MTPAP: variants seen among roughly 807,000 people sequenced by gnomAD.
MTPAP encodes poly(A) RNA polymerase, mitochondrial.
Under a neutral mutation model 48.7 loss-of-function variants are expected in MTPAP, and 23 were observed. That is an observed-to-expected ratio of 0.47 (90% CI 0.34 to 0.67). The LOEUF is 0.67. MTPAP is among the 30% of genes least tolerant of loss of function. The probability of loss-of-function intolerance (pLI) is 0.01; values close to 1 mark genes in which losing one functional copy is unlikely to be tolerated. For missense variants in MTPAP, 614 were observed against 694.3 expected (o/e 0.88, Z 1.30); for synonymous variants, 257 against 254.1 (o/e 1.01, Z -0.11).
In MTPAP at chr10:30,313,423, T is replaced by C. The variant is rs757206839; in HGVS notation, c.*186A>G. ...GATGTTTTAATAAAGTGCCACTGAG[T>C]ATCAGACTGATCAAACTGAAAACAT... On this transcript the variant is annotated 3_prime_UTR_variant, in exon 9 of 9. Transcript: ENST00000263063. 1.2e-5 allele frequency: 9 copies of C among 760,954 alleles called. No homozygotes were observed. The highest frequency in any genetic ancestry group is 2.3e-5 in the Admixed American group (1 of 43,312). 47.1% of individuals were successfully genotyped at this position (760,954 alleles called of 1,614,324 possible).
intron 4 of MTPAP, among the ~76,000 whole-genome samples, chr10:30,327,520 A>C (rs970039053): frequency 1.3e-5 from 2 of 149,780 alleles, no homozygotes; most frequent in Non-Finnish European, 3.0e-5. Context: ...ATAAATAAAT[A>C]AATAAATAAA....
chr10:30,342,266 A>C, intron 1 of MTPAP, among the ~76,000 whole-genome samples: 1 of 152,136 alleles, frequency 6.6e-6, no homozygotes, highest in Admixed American at 6.6e-5. Context: ...AACAACAACT[A>C]ATAATGAAAT....
At chr10:30,328,406 T>C (rs988938388) in intron 4 of MTPAP, among the ~76,000 whole-genome samples, 2 of 152,340 alleles carry the variant, frequency 1.3e-5, no homozygotes, top group East Asian at 1.9e-4. Flanking sequence ...CTGAAACTTG[T>C]ATACGTTGGC....
At chr10:30,331,359 G>A (rs1041960509) in intron 4 of MTPAP, among the ~76,000 whole-genome samples, 2 of 152,150 alleles carry the variant, frequency 1.3e-5, no homozygotes, top group Non-Finnish European at 2.9e-5. Flanking sequence ...TCAAGACTTA[G>A]GCACTAATTC....
Position 30,311,152 on chromosome 10 carries a change from T to C in MTPAP, c.*2457A>G, listed in dbSNP as rs1480897841. ...ATTTCATTTAGAAACCCTTAAGTGG[T>C]TTATGCTTTTTAAGCTTTTTAAATC... On this transcript the variant is annotated 3_prime_UTR_variant, in exon 9 of 9. Coordinates refer to ENST00000263063, the MANE Select transcript of MTPAP (RefSeq NM_018109.4). 6.6e-6 allele frequency: 1 copy of C among 152,070 alleles called. No individual in the cohort carries two copies. Among genetic ancestry groups the C allele is most frequent in the Non-Finnish European group, 1.5e-5 (1 of 67,962 alleles). 9.4% of individuals were successfully genotyped at this position (152,070 alleles called of 1,614,324 possible).
At chr10:30,341,252 G>T (rs1467664137) in intron 2 of MTPAP, among the ~76,000 whole-genome samples, 1 of 152,116 alleles carries the variant, frequency 6.6e-6, no homozygotes, top group Non-Finnish European at 1.5e-5. Context: ...TTCAAATAAT[G>T]AAATCAGTCA....
rs368194701 is a variant in MTPAP, at chr10:30,322,402, T to G, written c.1208A>C (p.Lys403Thr). Residue 403 changes from lysine (K) to threonine (T), a missense_variant, in exon 6 of 9, where the codon AAA becomes ACA. Around this residue, in one of 5 missense-constraint regions of MTPAP, gnomAD observed 261 missense variants for 355.4 expected, o/e 0.73. Coordinates refer to ENST00000263063, the MANE Select transcript of MTPAP (RefSeq NM_018109.4). ...CTTTCTAGTCTTACCTGCTAGGGTTTTTAAGGAATCTAGTGTTGGAAGAAT... is the reference window on the plus strand; with the variant it reads ...CTTTCTAGTCTTACCTGCTAGGGTTGTTAAGGAATCTAGTGTTGGAAGAAT... ...PPILPTLDSL[K>T]TLADAEDKCV... The G allele has an allele frequency of 2.5e-6, 4 of 1,605,682 alleles. No individual in the cohort carries two copies. In the African/African-American group the frequency reaches 5.4e-5, roughly 21 times the overall value.
In MTPAP at chr10:30,349,193, C is replaced by T. The variant is rs1472882822; in HGVS notation, c.83G>A (p.Arg28Lys). The stretch of plus-strand genomic sequence containing the variant: ...CACAGTTCCTGGGCAACTCAAAAGC[C>T]TGACGATAGGCCGCTGGACTCGAGT... ...RRTRVQRPIVRLLSCPGTVAK... is the reference protein window; with the variant it reads ...RRTRVQRPIVKLLSCPGTVAK... The change falls in exon 1 of 9, where the codon AGG becomes AAG. Residue 28 changes from arginine (R) to lysine (K), a missense_variant. This residue lies in a region of MTPAP where 125 missense variants were observed against 111.5 expected (regional missense o/e 1.12). Coordinates refer to ENST00000263063, the MANE Select transcript of MTPAP (RefSeq NM_018109.4). The T allele has an allele frequency of 1.9e-6, 3 of 1,612,056 alleles. No individual in the cohort carries two copies. Among genetic ancestry groups the T allele is most frequent in the Middle Eastern group, 1.7e-4 (1 of 6,054 alleles).
chr10:30,343,845 G>T (rs1308379158), intron 1 of MTPAP, among the ~76,000 whole-genome samples: 1 of 151,992 alleles, frequency 6.6e-6, no homozygotes, highest in Non-Finnish European at 1.5e-5. Flanking sequence ...TGAAATTACA[G>T]GCATGACGCC....
intron 6 of MTPAP, among the ~76,000 whole-genome samples, chr10:30,319,597 C>T (rs991315664): frequency 6.6e-6 from 1 of 151,866 alleles, no homozygotes; most frequent in Non-Finnish European, 1.5e-5. Flanking sequence ...GTATAAAAAC[C>T]ATGGATTTTG....
intron 8 of MTPAP, among the ~76,000 whole-genome samples, chr10:30,314,884 C>CAAAAAAAAAAAAAAAAAAAAAAAAA: frequency 9.0e-6 from 1 of 110,746 alleles, no homozygotes; most frequent in Non-Finnish European, 1.8e-5. Flanking sequence ...AAAACAAAAA[C>CAAAAAAAAAAAAAAAAAAAAAAAAA]AAAAAAAAAA....
rs1188991747 is a variant in MTPAP, at chr10:30,330,116, T to G, written c.781-3481A>C. 2.0e-5 allele frequency among the ~76,000 whole-genome samples: 3 copies of G among 152,176 alleles called. 1 individual carries two copies. The highest frequency in any genetic ancestry group is 4.1e-4 in the South Asian group (2 of 4,834). The stretch of plus-strand genomic sequence containing the variant: ...ATTTTATAATCAGAAAAAAATAGAT[T>G]AAATAAATCACTGTATACAATCCCT... On this transcript the variant is annotated intron_variant, in intron 4 of 8. Transcript: ENST00000263063.
rs750843684 is a variant in MTPAP at position 30,342,319 on chromosome 10, G to GTC, written c.158-681_158-680dup. Among the ~76,000 whole-genome samples, 28 of 151,862 alleles carry GTC rather than the reference G, an allele frequency of 1.8e-4. 1 individual carries two copies. Among genetic ancestry groups the GTC allele is most frequent in the Middle Eastern group, 3.4e-3 (1 of 294 alleles). ...CTGTAATAAAAGTTATATGAATGTG[G>GTC]TCTCTCTCTCTCTCAAAATATCATA... On this transcript the variant is annotated intron_variant, in intron 1 of 8. Transcript: ENST00000263063.
intron 5 of MTPAP, 50 bp from the exon 6 acceptor site, chr10:30,322,667 C>T: frequency 1.5e-6 from 2 of 1,361,050 alleles, no homozygotes. Flanking sequence ...AATTATAAAC[C>T]AAGGGTAAAA....
Position 30,310,929 on chromosome 10 carries a change from G to T in MTPAP, c.*2680C>A, listed in dbSNP as rs888806725. On this transcript the variant is annotated 3_prime_UTR_variant, in exon 9 of 9. Transcript: ENST00000263063. ...AAAAAACAAAAAACAAGTCTTTGTA[G>T]ATTTAAAATTAATCACATAATTAAA... 1 of 151,716 alleles carries T rather than the reference G, an allele frequency of 6.6e-6. No homozygotes were observed. The highest frequency in any genetic ancestry group is 2.1e-4 in the South Asian group (1 of 4,822). The allele number at this position is 151,716 out of a possible 1,614,324, so 9.4% of individuals were successfully genotyped here. A position where few individuals can be genotyped will look rare whatever the true frequency, so the allele number is the denominator to read the frequency against.
intron 6 of MTPAP, among the ~76,000 whole-genome samples, chr10:30,320,787 T>A (rs1278047003): frequency 6.6e-6 from 1 of 152,146 alleles, no homozygotes; most frequent in East Asian, 1.9e-4. Context: ...GCAATCAAGA[T>A]GCTTAGGAGT....
intron 5 of MTPAP, 89 bp downstream of exon 5, chr10:30,326,335 G>T: frequency 8.2e-7 from 1 of 1,215,764 alleles, no homozygotes; most frequent in Non-Finnish European, 1.2e-6. Flanking sequence ...GCATGTTTAA[G>T]ATTACAAAGC....
chr10:30,323,803 C>T (rs1049583546), intron 5 of MTPAP, among the ~76,000 whole-genome samples: 1 of 152,222 alleles, frequency 6.6e-6, no homozygotes, highest in Non-Finnish European at 1.5e-5. Flanking sequence ...AGCCACTGTG[C>T]CCAGCCTAGA....
chr10:30,338,714 T>C (rs1834760431), intron 3 of MTPAP, among the ~76,000 whole-genome samples: 1 of 151,712 alleles, frequency 6.6e-6, no homozygotes. Flanking sequence ...AGGAAATAGA[T>C]TAGAAGCAAA....
Sources: gnomAD v4.1 joint callset for allele counts (sites outside exome capture counted in the v4.1 genomes callset) on GRCh38, gnomAD v4.1.1 for gene constraint, gnomAD v4.1.1 regional missense constraint, MANE v1.5 for transcripts, NCBI Gene and HGNC (gene_info 2026-07-23, HGNC 2026-07-21) for gene names.